The following RNF175 variants were observed in gnomAD, a reference collection of about 807,000 sequenced individuals.
RNF175 encodes the protein ring finger protein 175.
Under a neutral mutation model 50.0 loss-of-function variants are expected in RNF175, and 38 were observed. That is an observed-to-expected ratio of 0.76 (90% CI 0.59 to 1.00). The LOEUF (loss-of-function observed/expected upper bound fraction) is 1.00, where lower values mean the gene tolerates loss of function less well. RNF175 is among the 50% of genes least tolerant of loss of function. RNF175 has a pLI of 0.00. For missense variants in RNF175, 388 were observed against 409.6 expected (o/e 0.95, Z 0.46); for synonymous variants, 155 against 146.1 (o/e 1.06, Z -0.44).
intron 5 of RNF175, chr4:153,723,105 T>C: frequency 3.7e-6 from 1 of 273,088 alleles, no homozygotes; most frequent in Non-Finnish European, 7.1e-6. Context: ...TAGCAATCTT[T>C]TAAATTTGCA....
At chr4:153,740,603 C>A (rs78436201) in intron 3 of RNF175, among the ~76,000 whole-genome samples, 24,120 of 152,140 alleles carry the variant, frequency 0.16, 2,528 homozygotes, top group East Asian at 0.37. Flanking sequence ...CTCCTCTTTC[C>A]CCATCTACCC....
intron 6 of RNF175, 89 bp downstream of exon 6, chr4:153,720,095 T>C: frequency 7.1e-7 from 1 of 1,402,544 alleles, no homozygotes; most frequent in Non-Finnish European, 9.9e-7. Context: ...GAAAGACTTA[T>C]TTGTTTCTGA....
rs1293889475 is a variant in RNF175, at chr4:153,712,694, T to C, written c.765-118A>G. 5 of 693,684 alleles carry C rather than the reference T, an allele frequency of 7.2e-6. No individual in the cohort carries two copies. The African/African-American group carries it at 8.9e-5, about 12-fold the overall frequency. The allele number at this position is 693,684 out of a possible 1,614,324, so 43.0% of individuals were successfully genotyped here. On this transcript the variant is annotated intron_variant, in intron 7 of 8. Transcript: ENST00000347063. ...TGGAGTCATGACTTGATGAGGCACATCGCTTTTTTCGGGAGGTTCTGTAAG... is the reference window on the plus strand; with the variant it reads ...TGGAGTCATGACTTGATGAGGCACACCGCTTTTTTCGGGAGGTTCTGTAAG...
chr4:153,748,804 A>T lies in RNF175; in HGVS notation c.105-18T>A. The T allele has an allele frequency of 6.2e-7, 1 of 1,607,454 alleles. No individual in the cohort carries two copies. Among genetic ancestry groups the T allele is most frequent in the African/African-American group, 1.3e-5 (1 of 74,876 alleles). ...GCTGCAGGCTGGAACCAGCAAAATGAGGTCATCTGAAAAAGCCCTCAACCT... is the reference window on the plus strand; with the variant it reads ...GCTGCAGGCTGGAACCAGCAAAATGTGGTCATCTGAAAAAGCCCTCAACCT... On this transcript the variant is annotated intron_variant, in intron 2 of 8. Coordinates refer to ENST00000347063, the MANE Select transcript of RNF175 (RefSeq NM_173662.4).
intron 3 of RNF175, among the ~76,000 whole-genome samples, chr4:153,734,994 C>T (rs1361436010): frequency 6.6e-6 from 1 of 151,980 alleles, no homozygotes; most frequent in Non-Finnish European, 1.5e-5. Context: ...TTAACAGTAT[C>T]TTTTCCATAG....
chr4:153,754,179 A>AG lies in RNF175; in HGVS notation c.67-2705_67-2704insC, dbSNP rs1347397368. 3.8e-5 allele frequency among the ~76,000 whole-genome samples: 4 copies of AG among 104,540 alleles called. No homozygotes were observed. In the East Asian group the frequency reaches 8.2e-4, roughly 21 times the overall value. 68.6% of individuals were successfully genotyped at this position (104,540 alleles called of 152,430 possible). A position where few individuals can be genotyped will look rare whatever the true frequency, so the allele number is the denominator to read the frequency against. Reference sequence around the variant, plus strand: ...AGCAAGACTCCGTCTCAAAAAAAAAAAAAAAATTATGAAAGTCTGGTAACT... The same window carrying AG: ...AGCAAGACTCCGTCTCAAAAAAAAAAGAAAAAATTATGAAAGTCTGGTAACT... On this transcript the variant is annotated intron_variant, in intron 1 of 8. Transcript: ENST00000347063.
chr4:153,723,397 A>T lies in RNF175; in HGVS notation c.463T>A (p.Tyr155Asn). ...CACATTGTAAACATGATCGCCAAGT[A>T]ACCCACAACACCAAATGCATAGCTG... Reference protein sequence around the residue: ...KLSYAFGVVGYLAIMFTMCGF... With the variant: ...KLSYAFGVVGNLAIMFTMCGF... Residue 155 changes from tyrosine (Y) to asparagine (N), a missense_variant, in exon 5 of 9, where the codon TAC (tyrosine) becomes AAC (asparagine). Coordinates refer to ENST00000347063, the MANE Select transcript of RNF175 (RefSeq NM_173662.4). 6.2e-7 allele frequency: 1 copy of T among 1,607,590 alleles called. No individual in the cohort carries two copies. Among genetic ancestry groups the T allele is most frequent in the Non-Finnish European group, 8.5e-7 (1 of 1,174,440 alleles).
intron 3 of RNF175, among the ~76,000 whole-genome samples, chr4:153,740,811 A>T (rs970944341): frequency 2.0e-5 from 3 of 152,236 alleles, no homozygotes; most frequent in Admixed American, 1.3e-4. Flanking sequence ...AGCAGACATG[A>T]TGTATTGAGT....
chr4:153,722,971 CATAATTCT>C (rs1447814093), intron 5 of RNF175, among the ~76,000 whole-genome samples: 1 of 152,048 alleles, frequency 6.6e-6, no homozygotes, highest in Non-Finnish European at 1.5e-5. Flanking sequence ...TACTGGACAA[CATAATTCT>C]AGAGGTTTTA....
chr4:153,728,373 A>G lies in RNF175; in HGVS notation c.247-12T>C. ...AACAAGGTCACCAGCTGTCAGAGAAATGAACAGGAAGTATCTTTCAATGAC... is the reference window on the plus strand; with the variant it reads ...AACAAGGTCACCAGCTGTCAGAGAAGTGAACAGGAAGTATCTTTCAATGAC... On this transcript the variant is annotated splice_polypyrimidine_tract_variant and intron_variant, in intron 3 of 8. Transcript: ENST00000347063. 1 of 1,612,670 alleles carries G rather than the reference A, an allele frequency of 6.2e-7. No homozygotes were observed. The highest frequency in any genetic ancestry group is 8.5e-7 in the Non-Finnish European group (1 of 1,178,924).
Position 153,720,222 on chromosome 4 carries a change from CAA to C in RNF175, c.590_591del (p.Phe197CysfsTer42), listed in dbSNP as rs746350015. The C allele has an allele frequency of 2.0e-5, 32 of 1,612,900 alleles. No homozygotes were observed. The East Asian group carries it at 6.9e-4, about 35-fold the overall frequency. On this transcript the variant is annotated frameshift_variant, in exon 6 of 9. Transcript: ENST00000347063. LOFTEE classifies it high-confidence loss of function. The stretch of plus-strand genomic sequence containing the variant: ...GCCATGTAGTCTGAGCAGATCTCGG[CAA>C]AGTCTCTCCCCATTACTCCATAGTA... Reference protein sequence around the residue: ...GLYYGVMGRDFAEICSDYMAS... With the variant: ...GLYYGVMGRDXAEICSDYMAS...
At chr4:153,755,421 A>C (rs1740511138) in intron 1 of RNF175, among the ~76,000 whole-genome samples, 1 of 152,250 alleles carries the variant, frequency 6.6e-6, no homozygotes, top group African/African-American at 2.4e-5. Flanking sequence ...AAGACGTTTG[A>C]GACAGGAAAG....
intron 7 of RNF175, chr4:153,713,652 C>A (rs147633923): frequency 2.0e-5 from 3 of 152,290 alleles, no homozygotes; most frequent in Non-Finnish European, 4.4e-5. Flanking sequence ...GGAGGTGTAG[C>A]AAGTCAAGGC....
chr4:153,758,853 T>C (rs1740682513), intron 1 of RNF175, among the ~76,000 whole-genome samples: 1 of 152,024 alleles, frequency 6.6e-6, no homozygotes, highest in African/African-American at 2.4e-5. Context: ...GGTCAGATCC[T>C]GTCCATTCCC....
At chr4:153,754,095 G>A (rs6832548) in intron 1 of RNF175, among the ~76,000 whole-genome samples, 96,394 of 150,732 alleles carry the variant, frequency 0.64, 32,257 homozygotes, top group African/African-American at 0.83. Context: ...GTGTGAACCC[G>A]GGAGGTGGAA....
chr4:153,758,255 A>G (rs1740652381), intron 1 of RNF175, among the ~76,000 whole-genome samples: 1 of 152,230 alleles, frequency 6.6e-6, no homozygotes, highest in African/African-American at 2.4e-5. Context: ...TTTGATGTGC[A>G]AATGAATCAC....
chr4:153,741,301 G>C (rs964627405), intron 3 of RNF175, among the ~76,000 whole-genome samples: 3 of 152,126 alleles, frequency 2.0e-5, no homozygotes, highest in African/African-American at 7.2e-5. Flanking sequence ...GAACATTCTG[G>C]ATCTGCTTCA....
chr4:153,751,582 A>G (rs1036926464), intron 1 of RNF175, 107 bp from the exon 2 acceptor site: 18 of 748,352 alleles, frequency 2.4e-5, no homozygotes, highest in Non-Finnish European at 3.8e-5. Context: ...ACAATGTCAC[A>G]TAGTATTTGA....
intron 4 of RNF175, among the ~76,000 whole-genome samples, chr4:153,727,368 C>T (rs1024103490): frequency 1.3e-5 from 2 of 152,116 alleles, no homozygotes; most frequent in Admixed American, 1.3e-4. Context: ...CCATTTTTAT[C>T]ATCACATTTA....
Sources: allele counts gnomAD v4.1 joint callset (sites outside exome capture counted in the v4.1 genomes callset), GRCh38; gene constraint gnomAD v4.1.1; transcripts MANE v1.5; gene names NCBI Gene and HGNC (gene_info 2026-07-23, HGNC 2026-07-21).